Variants in UTP20 observed in about 807,000 individuals in gnomAD.
UTP20 encodes the protein small subunit processome component 20 homolog.
UTP20 carries 164 observed loss-of-function variants against 329.5 expected under a neutral mutation model. The ratio of observed to expected loss-of-function variants is 0.50; its 90% confidence interval spans 0.44 to 0.57. The LOEUF (loss-of-function observed/expected upper bound fraction) is 0.57. Among genes scored for constraint, UTP20 ranks in the 20% least tolerant of loss-of-function variants. UTP20 has a pLI of 0.00. For missense variants in UTP20, 3,055 were observed against 3,284.2 expected, an observed-to-expected ratio of 0.93 and a Z score of 1.71; for synonymous variants, 1,151 against 1,159.3, an observed-to-expected ratio of 0.99 and a Z score of 0.14.
intron 25 of UTP20, among the ~76,000 whole-genome samples, chr12:101,325,238 C>G (rs1462437659): frequency 6.6e-6 from 1 of 152,178 alleles, no homozygotes; most frequent in Non-Finnish European, 1.5e-5. Flanking sequence ...TCTCAGAACC[C>G]ACTTTAAATT....
chr12:101,378,877 T>G (rs1870557050), intron 56 of UTP20, among the ~76,000 whole-genome samples: 1 of 152,170 alleles, frequency 6.6e-6, no homozygotes, highest in Admixed American at 6.5e-5. Flanking sequence ...TCGTTTCCAG[T>G]GCCTCTCCCA....
In UTP20 at chr12:101,320,817, A is replaced by T. The variant is rs555293873; in HGVS notation, c.2830-35A>T. The T allele has an allele frequency of 1.1e-5, 18 of 1,566,168 alleles. No individual in the cohort carries two copies. In the East Asian group the frequency reaches 3.4e-4, roughly 29 times the overall value. On this transcript the variant is annotated intron_variant, in intron 23 of 61. Coordinates refer to ENST00000261637, the MANE Select transcript of UTP20 (RefSeq NM_014503.3). ...TTGCTATCCTATGGTATATGTATAT[A>T]TGACTTCATTAATTCTGTAAAATAC...
intron 22 of UTP20, 148 bp from the exon 23 acceptor site, chr12:101,319,397 A>C (rs1422956509): frequency 1.7e-6 from 1 of 579,936 alleles, no homozygotes; most frequent in Non-Finnish European, 2.8e-6. Context: ...AATTTCCTAA[A>C]TGTAAATAAC....
Position 101,291,918 on chromosome 12 carries a change from TCTGGTTTTTAAAAG to T in UTP20, c.1038+34_1039-35del, listed in dbSNP as rs752432114. 17 of 1,606,086 alleles carry T rather than the reference TCTGGTTTTTAAAAG, an allele frequency of 1.1e-5. No individual in the cohort carries two copies. In the African/African-American group the frequency reaches 2.0e-4, roughly 19 times the overall value. On this transcript the variant is annotated intron_variant, in intron 9 of 61. Coordinates refer to ENST00000261637, the MANE Select transcript of UTP20 (RefSeq NM_014503.3). ...GTTCCCAACTTAATATGCTCGAGAG[TCTGGTTTTTAAAAG>T]CTGATTGCTGAGTATGCATTGTTTT... is the stretch of plus-strand genomic sequence containing the variant.
At chr12:101,312,390 C>T in intron 21 of UTP20, 114 bp downstream of exon 21, 1 of 1,400,224 alleles carries the variant, frequency 7.1e-7, no homozygotes, top group Non-Finnish European at 9.6e-7. Flanking sequence ...TTTCTTTCTG[C>T]TTCCAATCAT....
intron 32 of UTP20, among the ~76,000 whole-genome samples, chr12:101,340,955 T>TAGATGGGG (rs1869107742): frequency 4.6e-5 from 1 of 21,690 alleles, no homozygotes; most frequent in East Asian, 2.4e-3. Flanking sequence ...TTTTTTTTTT[T>TAGATGGGG]TTTTTTTTTT....
At position 101,363,708 on chromosome 12, in the gene UTP20, G is replaced by C. The variant is rs750611754; in HGVS notation, c.5923G>C (p.Asp1975His). ...YEILGKFVGKDQVTKLILPLK... is the reference protein window; with the variant it reads ...YEILGKFVGKHQVTKLILPLK... ...AATCCTCGGCAAGTTTGTAGGAAAA[G>C]ATCAGGTTACAAAACTCATCCTTCC... The change falls in exon 45 of 62, where the codon GAT becomes CAT. Residue 1975 changes from aspartate (D) to histidine (H), a missense_variant. By Grantham distance (81) the Asp-to-His change is moderately conservative. This residue lies in a region of UTP20 where 2,445 missense variants were observed against 2,575.5 expected (regional missense o/e 0.95). Coordinates refer to ENST00000261637, the MANE Select transcript of UTP20 (RefSeq NM_014503.3). The C allele has an allele frequency of 1.2e-6, 2 of 1,611,880 alleles. No homozygotes were observed. The highest frequency in any genetic ancestry group is 1.3e-5 in the African/African-American group (1 of 75,020).
At chr12:101,346,420 G>A (rs1178113238) in intron 37 of UTP20, 31 bp from the exon 38 acceptor site, 2 of 1,555,740 alleles carry the variant, frequency 1.3e-6, no homozygotes, top group Non-Finnish European at 1.7e-6. Flanking sequence ...AGATTATTCG[G>A]TAACTAATTC....
chr12:101,379,122 G>A (rs1024048779), intron 56 of UTP20, among the ~76,000 whole-genome samples: 1 of 152,048 alleles, frequency 6.6e-6, no homozygotes, highest in Non-Finnish European at 1.5e-5. Flanking sequence ...ACAGTACATC[G>A]TTGTTAACTA....
At chr12:101,351,978 T>G in intron 38 of UTP20, 77 bp from the exon 39 acceptor site, 37 of 1,546,144 alleles carry the variant, frequency 2.4e-5, no homozygotes, top group Non-Finnish European at 3.2e-5. Flanking sequence ...TTACTAACTT[T>G]TTCAATATAC....
chr12:101,371,498 C>G (rs1474788950), intron 51 of UTP20, among the ~76,000 whole-genome samples: 1 of 119,354 alleles, frequency 8.4e-6, no homozygotes, highest in African/African-American at 3.1e-5. Context: ...ACCTTGTGGT[C>G]TTGTTAAAGA....
intron 21 of UTP20, among the ~76,000 whole-genome samples, chr12:101,317,021 C>T (rs1002899496): frequency 8.5e-5 from 13 of 152,176 alleles, no homozygotes; most frequent in African/African-American, 3.1e-4. Context: ...TCTGTCTTAT[C>T]AATCCATACC....
At chr12:101,332,518 G>T (rs1868793837) in intron 27 of UTP20, among the ~76,000 whole-genome samples, 1 of 152,160 alleles carries the variant, frequency 6.6e-6, no homozygotes, top group Admixed American at 6.5e-5. Context: ...GAACAAATTG[G>T]CTGCGTATTT....
intron 18 of UTP20, among the ~76,000 whole-genome samples, chr12:101,308,580 G>T (rs936052409): frequency 6.6e-6 from 1 of 152,094 alleles, no homozygotes; most frequent in African/African-American, 2.4e-5. Context: ...ACCTGGCCAT[G>T]TTAGTACCTT....
chr12:101,346,172 G>A (rs528888054), intron 37 of UTP20, among the ~76,000 whole-genome samples: 260 of 151,908 alleles, frequency 1.7e-3, no homozygotes, highest in African/African-American at 5.7e-3. Context: ...CTGCCTCAGC[G>A]TCCTGAGTAG....
chr12:101,353,822 A>C (rs1254194735), intron 40 of UTP20, among the ~76,000 whole-genome samples: 1 of 152,244 alleles, frequency 6.6e-6, no homozygotes, highest in African/African-American at 2.4e-5. Flanking sequence ...AAAAAGCGTC[A>C]CGATTAAGTG....
rs1869172482 is a variant in UTP20, at chr12:101,342,499, G to A, written c.4155G>A (p.Val1385=). ...TACAAAACTTGTTAAAGCATTGTGTGGACCCTACAAGCTTCCTCAAGCCTA... is the reference window on the plus strand; with the variant it reads ...TACAAAACTTGTTAAAGCATTGTGTAGACCCTACAAGCTTCCTCAAGCCTA... ...VTVQNLLKHC[V]DPTSFLKPIA... Residue 1385 remains valine, a synonymous_variant, in exon 33 of 62, where the codon GTG becomes GTA. Coordinates refer to ENST00000261637, the MANE Select transcript of UTP20 (RefSeq NM_014503.3). The A allele has an allele frequency of 2.5e-6, 4 of 1,613,098 alleles. No homozygotes were observed. Among genetic ancestry groups the A allele is most frequent in the Non-Finnish European group, 3.4e-6 (4 of 1,179,626 alleles).
At position 101,346,527 on chromosome 12, in the gene UTP20, C is replaced by T. The variant is rs1365289231; in HGVS notation, c.4823C>T (p.Ser1608Phe). The stretch of plus-strand genomic sequence containing the variant: ...GGCAAAGTTGTTCTGTCTTCTAAAT[C>T]TCTTCAGAATTACATCATGCCTTAT... ...MEGKVVLSSK[S>F]LQNYIMPYAM... The change falls in exon 38 of 62, where the codon TCT becomes TTT. Residue 1608 changes from serine to phenylalanine, a missense_variant. Physicochemically the swap from Ser to Phe is radical, Grantham distance 155. Coordinates refer to ENST00000261637, the MANE Select transcript of UTP20 (RefSeq NM_014503.3). The T allele has an allele frequency of 1.2e-6, 2 of 1,610,366 alleles. No homozygotes were observed. The highest frequency in any genetic ancestry group is 1.3e-5 in the African/African-American group (1 of 74,656).
intron 26 of UTP20, among the ~76,000 whole-genome samples, chr12:101,327,909 C>A (rs1025746169): frequency 6.6e-6 from 1 of 152,174 alleles, no homozygotes; most frequent in African/African-American, 2.4e-5. Flanking sequence ...AGACAATCAA[C>A]CACATGAGCT....
Sources: gnomAD v4.1 joint callset for allele counts (sites outside exome capture counted in the v4.1 genomes callset) on GRCh38, gnomAD v4.1.1 for gene constraint, gnomAD v4.1.1 regional missense constraint, MANE v1.5 for transcripts, NCBI Gene and HGNC (gene_info 2026-07-23, HGNC 2026-07-21) for gene names.